The following CYP4F8 variants were observed in gnomAD, a reference collection of about 807,000 sequenced individuals.
The protein encoded by CYP4F8 is cytochrome P450 4F8.
CYP4F8 carries 56 observed loss-of-function variants against 55.0 expected under a neutral mutation model. The observed-to-expected ratio is 1.02, with a 90% CI of 0.82 to 1.27. CYP4F8 has a LOEUF of 1.27. Among genes scored for constraint, CYP4F8 ranks in the 50% most tolerant of loss-of-function variants. CYP4F8 has a pLI of 0.00. For synonymous variants in CYP4F8, 288 were observed against 267.3 expected (o/e 1.08, Z -0.76); for missense variants, 680 against 682.4 (o/e 1.00, Z 0.04).
rs1247585396 is a variant in CYP4F8, at chr19:15,621,285, T to C, written c.526-934T>C. 3.3e-5 allele frequency among the ~76,000 whole-genome samples: 5 copies of C among 152,316 alleles called. No homozygotes were observed. The East Asian group carries it at 7.7e-4, about 23-fold the overall frequency. ...GACCGGGTGTGGTGGCTCATGCTTG[T>C]AATCCCAGCACATTGGTATCACTTG... is the stretch of plus-strand genomic sequence containing the variant. On this transcript the variant is annotated intron_variant, in intron 5 of 12. Transcript: ENST00000612078.
At chr19:15,616,754 C>G (rs1318427388) in intron 2 of CYP4F8, among the ~76,000 whole-genome samples, 1 of 152,298 alleles carries the variant, frequency 6.6e-6, no homozygotes, top group East Asian at 1.9e-4. Context: ...TAAAAATTGG[C>G]CAGTGACTTC....
intron 6 of CYP4F8, 141 bp from the exon 7 acceptor site, chr19:15,622,964 A>C: frequency 1.0e-6 from 1 of 1,004,710 alleles, no homozygotes; most frequent in Non-Finnish European, 1.4e-6. Flanking sequence ...CAGCTCACAG[A>C]GAGTGGGAGG....
At chr19:15,628,636 G>T (rs11669673) in intron 11 of CYP4F8, 41 bp downstream of exon 11, 276,390 of 1,609,006 alleles carry the variant, frequency 0.17, 25,719 homozygotes, top group Middle Eastern at 0.21. Flanking sequence ...GGGCCTGGTC[G>T]GGGGAGGGGT....
At chr19:15,620,139 C>A (rs1972175330) in intron 5 of CYP4F8, among the ~76,000 whole-genome samples, 1 of 152,164 alleles carries the variant, frequency 6.6e-6, no homozygotes, top group Non-Finnish European at 1.5e-5. Flanking sequence ...GTTGGCCAGC[C>A]CTTCTGCATG....
At position 15,615,724 on chromosome 19, in the gene CYP4F8, C is replaced by T. The variant is rs1424809424; in HGVS notation, c.108C>T (p.Ala36=). The change falls in exon 2 of 13, where the codon GCC becomes GCT. Residue 36 remains alanine (A), a synonymous_variant. Coordinates refer to ENST00000612078, the MANE Select transcript of CYP4F8 (RefSeq NM_007253.4). ...CCTGGCTCCTGGCCCGCATCCTGGCCTGGACCTATGCCTTCTATCACAACG... is the reference window on the plus strand; with the variant it reads ...CCTGGCTCCTGGCCCGCATCCTGGCTTGGACCTATGCCTTCTATCACAACG... ...GASWLLARIL[A]WTYAFYHNGR... is the part of the protein sequence containing the mutation. The T allele has an allele frequency of 6.2e-7, 1 of 1,614,140 alleles. No individual in the cohort carries two copies. Among genetic ancestry groups the T allele is most frequent in the East Asian group, 2.2e-5 (1 of 44,870 alleles).
chr19:15,622,618 G>T (rs1972209205), intron 6 of CYP4F8, among the ~76,000 whole-genome samples: 1 of 147,082 alleles, frequency 6.8e-6, no homozygotes, highest in Non-Finnish European at 1.5e-5. Flanking sequence ...TGGAGGGGTT[G>T]GCAGTTAACT....
At chr19:15,621,987 G>T in intron 5 of CYP4F8, 1 of 465,318 alleles carries the variant, frequency 2.1e-6, no homozygotes, top group Non-Finnish European at 3.7e-6. Context: ...AGTTGACCAA[G>T]GGTACACACA....
Position 15,623,681 on chromosome 19 carries a change from T to G in CYP4F8, c.919-18T>G, listed in dbSNP as rs1441785829. 1 of 1,613,824 alleles carries G rather than the reference T, an allele frequency of 6.2e-7. No homozygotes were observed. The highest frequency in any genetic ancestry group is 2.2e-5 in the East Asian group (1 of 44,876). On this transcript the variant is annotated intron_variant, in intron 7 of 12. Transcript: ENST00000612078. ...CCAGTGACCCCAGAACTAGTGTGAT[T>G]GGGGTTCTTGTCTCCAGGATAAAAA...
At chr19:15,623,025 C>G (rs1250846932) in intron 6 of CYP4F8, 80 bp from the exon 7 acceptor site, 27 of 1,497,550 alleles carry the variant, frequency 1.8e-5, no homozygotes. Context: ...GGAATGTGGT[C>G]CTGGGATTCT....
intron 7 of CYP4F8, 106 bp downstream of exon 7, chr19:15,623,481 G>A (rs1385145636): frequency 1.3e-6 from 2 of 1,508,162 alleles, no homozygotes; most frequent in South Asian, 2.5e-5. Flanking sequence ...AGCCATGGAA[G>A]GTGCTCGAAG....
Position 15,628,568 on chromosome 19 carries a change from C to T in CYP4F8, c.1287C>T (p.His429=), listed in dbSNP as rs1282477852. The T allele has an allele frequency of 1.2e-6, 2 of 1,613,852 alleles. No homozygotes were observed. Among genetic ancestry groups the T allele is most frequent in the African/African-American group, 1.3e-5 (1 of 74,928 alleles). Residue 429 remains histidine, a synonymous_variant, in exon 11 of 13, where the codon CAC becomes CAT. Transcript: ENST00000612078. Reference sequence around the variant, plus strand: ...ACATCAACATCTTCGCAATCCATCACAACCCCTCAGTCTGGCCAGACCCTG... The same window carrying T: ...ACATCAACATCTTCGCAATCCATCATAACCCCTCAGTCTGGCCAGACCCTG... ...VCNINIFAIH[H]NPSVWPDPEV...
chr19:15,625,324 G>A (rs1483936807), intron 9 of CYP4F8, among the ~76,000 whole-genome samples: 1 of 87,990 alleles, frequency 1.1e-5, no homozygotes, highest in African/African-American at 4.9e-5. Flanking sequence ...AAGAAACTAT[G>A]TGTGTGTATA....
chr19:15,619,398 A>T (rs778307539), intron 3 of CYP4F8, 92 bp from the exon 4 acceptor site: 4 of 1,474,836 alleles, frequency 2.7e-6, no homozygotes, highest in Non-Finnish European at 3.7e-6. Context: ...TGGAGAAAAG[A>T]CGTCCAAACC....
rs752452615 is a variant in CYP4F8, at chr19:15,622,296, C to A, written c.603C>A (p.Asp201Glu). The change falls in exon 6 of 13, where the codon GAC (aspartate) becomes GAA (glutamate). Residue 201 changes from aspartate (D) to glutamate (E), a missense_variant. Transcript: ENST00000612078. Reference sequence around the variant, plus strand: ...AGCACATCAGCCTTATGACCCTGGACAGTCTGCAGAAATGCATCTTCAGCT... The same window carrying A: ...AGCACATCAGCCTTATGACCCTGGAAAGTCTGCAGAAATGCATCTTCAGCT... ...VFEHISLMTLDSLQKCIFSFD... is the reference protein window; with the variant it reads ...VFEHISLMTLESLQKCIFSFD... 1.1e-5 allele frequency: 17 copies of A among 1,612,208 alleles called. No homozygotes were observed. Among genetic ancestry groups the A allele is most frequent in the Admixed American group, 8.4e-5 (5 of 59,784 alleles).
chr19:15,629,165 C>T (rs889144841), intron 12 of CYP4F8, 28 bp from the exon 13 acceptor site: 5 of 1,568,718 alleles, frequency 3.2e-6, no homozygotes, highest in Non-Finnish European at 4.3e-6. Context: ...GTCCTGGGTG[C>T]AGTCAGACCT....
Position 15,629,965 on chromosome 19 carries a change from G to C in CYP4F8, c.*607G>C, listed in dbSNP as rs937754145. On this transcript the variant is annotated 3_prime_UTR_variant, in exon 13 of 13. Coordinates refer to ENST00000612078, the MANE Select transcript of CYP4F8 (RefSeq NM_007253.4). ...GCTCACTGCAACCTCCACCTCCTGG[G>C]TTCAAGTGATTCTCCTGACTCAGTC... 1.3e-5 allele frequency: 2 copies of C among 151,610 alleles called. No homozygotes were observed. Among genetic ancestry groups the C allele is most frequent in the African/African-American group, 4.9e-5 (2 of 41,112 alleles). 9.4% of individuals were successfully genotyped at this position (151,610 alleles called of 1,614,324 possible).
At chr19:15,619,375 G>C (rs754601431) in intron 3 of CYP4F8, 115 bp from the exon 4 acceptor site, 5 of 1,272,216 alleles carry the variant, frequency 3.9e-6, no homozygotes, top group Non-Finnish European at 5.5e-6. Context: ...CCTCCTTCCT[G>C]CTATGCTGGG....
rs558107890 is a variant in CYP4F8, at chr19:15,619,682, C to T, written c.445C>T (p.Arg149Cys). 56 of 1,614,210 alleles carry T rather than the reference C, an allele frequency of 3.5e-5. No individual in the cohort carries two copies. The highest frequency in any genetic ancestry group is 1.6e-4 in the Middle Eastern group (1 of 6,062). Reference sequence around the variant, plus strand: ...TGGTGACAAGTGGAGACACCACCGTCGCTTGCTGACGCCTGCCTTCCATTT... The same window carrying T: ...TGGTGACAAGTGGAGACACCACCGTTGCTTGCTGACGCCTGCCTTCCATTT... ...SVGDKWRHHR[R>C]LLTPAFHFNI... Residue 149 changes from arginine (R) to cysteine (C), a missense_variant, in exon 5 of 13, where the codon CGC (arginine) becomes TGC (cysteine). Physicochemically the swap from Arg to Cys is radical, Grantham distance 180. Transcript: ENST00000612078.
intron 9 of CYP4F8, among the ~76,000 whole-genome samples, chr19:15,625,215 A>G (rs889859105): frequency 6.6e-6 from 1 of 151,368 alleles, no homozygotes; most frequent in Non-Finnish European, 1.5e-5. Flanking sequence ...TTTGAAATCT[A>G]TGTTGGAATC....
Sources: gnomAD v4.1 joint callset for allele counts (sites outside exome capture counted in the v4.1 genomes callset) on GRCh38, gnomAD v4.1.1 for gene constraint, MANE v1.5 for transcripts, NCBI Gene and HGNC (gene_info 2026-07-23, HGNC 2026-07-21) for gene names.